Variants in KCNG2 observed in about 807,000 individuals in gnomAD.
KCNG2 encodes potassium voltage-gated channel modifier subfamily G member 2.
KCNG2 carries 7 observed loss-of-function variants against 12.3 expected under a neutral mutation model. That is an observed-to-expected ratio of 0.57 (90% CI 0.32 to 1.07). KCNG2 has a LOEUF of 1.07. Among genes scored for constraint, KCNG2 ranks in the 50% least tolerant of loss-of-function variants. The pLI is 0.04. For missense variants in KCNG2, 703 were observed against 726.0 expected, an observed-to-expected ratio of 0.97 and a Z score of 0.36; for synonymous variants, 414 against 351.4, an observed-to-expected ratio of 1.18 and a Z score of -1.99.
chr18:79,830,681 A>T (rs535827365), intron 1 of KCNG2, among the ~76,000 whole-genome samples: 4 of 136,658 alleles, frequency 2.9e-5, no homozygotes, highest in Non-Finnish European at 6.7e-5. Flanking sequence ...CTTTGTCAGG[A>T]GGGTTCCCTG....
Position 79,899,241 on chromosome 18 carries a change from G to C in KCNG2, c.826G>C (p.Gly276Arg). ...GCTGGGGCTGGCGGCAGGCCCGGGC[G>C]GGACCAAGCTCCTGGAGCGCGCGGG... ...LLLGLAAGPG[G>R]TKLLERAGLV... Residue 276 changes from glycine (G) to arginine (R), a missense_variant, in exon 4 of 4, where the codon GGG (glycine) becomes CGG (arginine). By Grantham distance (125) the Gly-to-Arg change is moderately radical. Coordinates refer to ENST00000316249, the MANE Select transcript of KCNG2 (RefSeq NM_012283.2). The C allele has an allele frequency of 6.3e-7, 1 of 1,597,242 alleles. No individual in the cohort carries two copies. The highest frequency in any genetic ancestry group is 8.5e-7 in the Non-Finnish European group (1 of 1,177,830).
At chr18:79,820,276 T>A (rs2087561342) in intron 1 of KCNG2, among the ~76,000 whole-genome samples, 1 of 152,240 alleles carries the variant, frequency 6.6e-6, no homozygotes, top group African/African-American at 2.4e-5. Context: ...TGTCAGCACA[T>A]GTATCCTGTT....
rs1981089835 is a variant in KCNG2, at chr18:79,899,110, A to G, written c.695A>G (p.Glu232Gly). The G allele has an allele frequency of 2.5e-6, 4 of 1,604,992 alleles. No individual in the cohort carries two copies. Among genetic ancestry groups the G allele is most frequent in the Non-Finnish European group, 2.5e-6 (3 of 1,178,282 alleles). Residue 232 changes from glutamate to glycine, a missense_variant, in exon 4 of 4, where the codon GAG (glutamate) becomes GGG (glycine). Physicochemically the swap from Glu to Gly is moderately conservative, Grantham distance 98 (BLOSUM62 -2). Transcript: ENST00000316249. ...ETVCVAWFSF[E>G]FLLRSLQAES... ...GTGTGCGTGGCCTGGTTCTCCTTCG[A>G]GTTCCTGCTGCGCTCCCTGCAGGCC...
At chr18:79,846,980 G>A (rs972774012) in intron 1 of KCNG2, among the ~76,000 whole-genome samples, 20 of 152,208 alleles carry the variant, frequency 1.3e-4, no homozygotes, top group African/African-American at 4.1e-4. Flanking sequence ...CAGGGCAGCC[G>A]GTGGTAAGAA....
At chr18:79,845,753 A>G (rs968507684) in intron 1 of KCNG2, among the ~76,000 whole-genome samples, 1 of 152,218 alleles carries the variant, frequency 6.6e-6, no homozygotes, top group Non-Finnish European at 1.5e-5. Flanking sequence ...TATTTATGAA[A>G]AATAAAACCC....
Position 79,869,541 on chromosome 18 carries a change from C to T in KCNG2, c.624+5250C>T, listed in dbSNP as rs538022075. Among the ~76,000 whole-genome samples the T allele has an allele frequency of 2.0e-3, 300 of 152,212 alleles. 1 individual carries two copies. The highest frequency in any genetic ancestry group is 7.0e-3 in the African/African-American group (289 of 41,520). ...GGACCGGAAGGTGGACACCTGGACC[C>T]GCCCTGTGCTGTCCAAGCAGGCTCT... On this transcript the variant is annotated intron_variant, in intron 3 of 3. Coordinates refer to ENST00000316249, the MANE Select transcript of KCNG2 (RefSeq NM_012283.2).
intron 1 of KCNG2, among the ~76,000 whole-genome samples, chr18:79,814,629 A>G (rs1329698576): frequency 6.6e-6 from 1 of 152,220 alleles, no homozygotes; most frequent in Non-Finnish European, 1.5e-5. Flanking sequence ...GTGGGTCAGC[A>G]TCAATCCTGG....
intron 3 of KCNG2, among the ~76,000 whole-genome samples, chr18:79,870,111 G>A (rs56333172): frequency 2.0e-5 from 3 of 152,206 alleles, no homozygotes; most frequent in South Asian, 2.1e-4. Context: ...TGTGGCCTTC[G>A]GGAGTTTAGG....
At chr18:79,813,051 A>G (rs879806580) in intron 1 of KCNG2, among the ~76,000 whole-genome samples, 2 of 152,182 alleles carry the variant, frequency 1.3e-5, no homozygotes, top group Non-Finnish European at 2.9e-5. Flanking sequence ...GCTACTCACA[A>G]GGCTGAGGCA....
chr18:79,805,838 A>G (rs1023026442), intron 1 of KCNG2, among the ~76,000 whole-genome samples: 3 of 151,326 alleles, frequency 2.0e-5, no homozygotes, highest in Non-Finnish European at 4.4e-5. Context: ...GGGAGGAGGA[A>G]ATATAGACAG....
At chr18:79,856,199 G>A (rs947571351) in intron 1 of KCNG2, among the ~76,000 whole-genome samples, 180 bp from the exon 2 acceptor site, 1 of 152,142 alleles carries the variant, frequency 6.6e-6, no homozygotes, top group African/African-American at 2.4e-5. Context: ...ATTCATCCCT[G>A]CCTACAAAAA....
intron 1 of KCNG2, among the ~76,000 whole-genome samples, chr18:79,812,939 C>T (rs548660749): frequency 3.9e-5 from 6 of 152,082 alleles, no homozygotes; most frequent in South Asian, 4.1e-4. Flanking sequence ...GGGCGGATCA[C>T]GAGGTCAGGA....
chr18:79,830,328 C>T (rs572291295), intron 1 of KCNG2, among the ~76,000 whole-genome samples: 3 of 152,290 alleles, frequency 2.0e-5, no homozygotes, highest in East Asian at 1.9e-4. Flanking sequence ...TTGAAAGGGG[C>T]GCCTGTGACG....
intron 3 of KCNG2, among the ~76,000 whole-genome samples, chr18:79,891,153 T>C (rs1250324000): frequency 7.9e-5 from 12 of 152,246 alleles, no homozygotes; most frequent in African/African-American, 2.7e-4. Context: ...TGTGAGCTTA[T>C]TAATTTGAGA....
chr18:79,877,721 C>G (rs1267605670), intron 3 of KCNG2, among the ~76,000 whole-genome samples: 1 of 152,222 alleles, frequency 6.6e-6, no homozygotes, highest in Admixed American at 6.5e-5. Flanking sequence ...GTGACAAGTG[C>G]AGCTGCAGCC....
At position 79,880,051 on chromosome 18, in the gene KCNG2, C is replaced by T. The variant is rs973277821; in HGVS notation, c.624+15760C>T. ...TCACATTTTCTTAACACTGTGAACGCGCATGAGTTATCTTACCCCAAAAAT... is the reference window on the plus strand; with the variant it reads ...TCACATTTTCTTAACACTGTGAACGTGCATGAGTTATCTTACCCCAAAAAT... On this transcript the variant is annotated intron_variant, in intron 3 of 3. Coordinates refer to ENST00000316249, the MANE Select transcript of KCNG2 (RefSeq NM_012283.2). 2.3e-4 allele frequency among the ~76,000 whole-genome samples: 35 copies of T among 152,148 alleles called. No homozygotes were observed. In the East Asian group the frequency reaches 4.1e-3, roughly 18 times the overall value.
intron 1 of KCNG2, among the ~76,000 whole-genome samples, chr18:79,845,256 G>A (rs1353329984): frequency 1.3e-5 from 2 of 152,194 alleles, no homozygotes; most frequent in African/African-American, 4.8e-5. Context: ...AGTTTCCAGG[G>A]GTTCAGGAGG....
chr18:79,812,305 CA>C (rs780986327), intron 1 of KCNG2, among the ~76,000 whole-genome samples: 7 of 152,168 alleles, frequency 4.6e-5, no homozygotes, highest in African/African-American at 7.2e-5. Context: ...TTATAACATC[CA>C]GTGCTTAGAT....
intron 1 of KCNG2, among the ~76,000 whole-genome samples, chr18:79,802,566 C>A (rs537001102): frequency 1.3e-5 from 2 of 152,348 alleles, no homozygotes; most frequent in East Asian, 3.9e-4. Flanking sequence ...TTGGCTGGCT[C>A]CCCTGCCTTC....
Sources: gnomAD v4.1 joint callset for allele counts (sites outside exome capture counted in the v4.1 genomes callset) on GRCh38, gnomAD v4.1.1 for gene constraint, MANE v1.5 for transcripts, NCBI Gene and HGNC (gene_info 2026-07-23, HGNC 2026-07-21) for gene names.